Variants in ARID4B observed in about 807,000 individuals in gnomAD.
The protein encoded by ARID4B is AT-rich interactive domain-containing protein 4B.
Under a neutral mutation model 147.5 loss-of-function variants are expected in ARID4B, and 26 were observed. The ratio of observed to expected loss-of-function variants is 0.18; its 90% CI spans 0.13 to 0.24. The LOEUF (loss-of-function observed/expected upper bound fraction) is 0.24. Among genes scored for constraint, ARID4B ranks in the 10% least tolerant of loss-of-function variants. ARID4B has a pLI of 1.00. For missense variants in ARID4B, 1,179 were observed against 1,511.5 expected (o/e 0.78, Z 3.65); for synonymous variants, 512 against 507.9 (o/e 1.01, Z -0.11).
chr1:235,268,170 C>G (rs1670740689), intron 2 of ARID4B, among the ~76,000 whole-genome samples: 1 of 152,034 alleles, frequency 6.6e-6, no homozygotes, highest in Non-Finnish European at 1.5e-5. Flanking sequence ...GCTGGAAGAT[C>G]CATTACCCGG....
chr1:235,173,768 AAAAATATATATATATATATAT>A (rs1395823445), intron 22 of ARID4B, among the ~76,000 whole-genome samples: 1 of 44,224 alleles, frequency 2.3e-5, no homozygotes, highest in Non-Finnish European at 3.7e-5. Context: ...AAAAAAAAAA[AAAAATATATATATATATATAT>A]ATATATATAT....
At chr1:235,318,909 G>A (rs1166378108) in intron 2 of ARID4B, among the ~76,000 whole-genome samples, 1 of 152,024 alleles carries the variant, frequency 6.6e-6, no homozygotes, top group Non-Finnish European at 1.5e-5. Context: ...AGTTACTGGA[G>A]GGATAAAAGA....
intron 2 of ARID4B, among the ~76,000 whole-genome samples, chr1:235,319,817 C>A (rs148782765): frequency 6.6e-6 from 1 of 151,948 alleles, no homozygotes; most frequent in African/African-American, 2.4e-5. Context: ...CATGGTGAAA[C>A]CCCATTGCTA....
intron 21 of ARID4B, among the ~76,000 whole-genome samples, chr1:235,177,347 T>A (rs1663960235): frequency 4.6e-5 from 7 of 152,232 alleles, no homozygotes; most frequent in Admixed American, 4.6e-4. Context: ...AAAAACAGAT[T>A]ACTTGATTTT....
intron 2 of ARID4B, among the ~76,000 whole-genome samples, chr1:235,318,534 T>C (rs1247331731): frequency 6.6e-6 from 1 of 152,090 alleles, no homozygotes; most frequent in South Asian, 2.1e-4. Context: ...AGGCCACATA[T>C]GTATTACAGG....
At chr1:235,316,753 G>GA (rs1674469251) in intron 2 of ARID4B, among the ~76,000 whole-genome samples, 1 of 150,294 alleles carries the variant, frequency 6.7e-6, no homozygotes, top group African/African-American at 2.4e-5. Flanking sequence ...CGGGAGCCGA[G>GA]TGTTGCAGTG....
chr1:235,308,270 TG>T (rs1326324094), intron 2 of ARID4B, among the ~76,000 whole-genome samples: 2 of 43,598 alleles, frequency 4.6e-5, no homozygotes, highest in Non-Finnish European at 1.0e-4. Context: ...AGCTAATTTT[TG>T]TATTGTATTT....
At chr1:235,219,211 C>G (rs551527564) in intron 16 of ARID4B, among the ~76,000 whole-genome samples, 1 of 152,050 alleles carries the variant, frequency 6.6e-6, no homozygotes, top group South Asian at 2.1e-4. Flanking sequence ...TTAAATGAGA[C>G]ACTAACAGAT....
At chr1:235,244,404 C>T (rs1336968969) in intron 7 of ARID4B, among the ~76,000 whole-genome samples, 1 of 151,868 alleles carries the variant, frequency 6.6e-6, no homozygotes, top group Non-Finnish European at 1.5e-5. Context: ...TAAACACAAT[C>T]GCTGCAAACA....
intron 15 of ARID4B, 22 bp downstream of exon 15, chr1:235,220,280 C>G: frequency 6.4e-7 from 1 of 1,572,264 alleles, no homozygotes; most frequent in Non-Finnish European, 8.6e-7. Context: ...AAGCAAAAGA[C>G]AATTAACAAT....
At chr1:235,253,288 C>T (rs898746828) in intron 5 of ARID4B, among the ~76,000 whole-genome samples, 1 of 152,156 alleles carries the variant, frequency 6.6e-6, no homozygotes, top group Non-Finnish European at 1.5e-5. Flanking sequence ...ACATACTGCA[C>T]CAGAAAATTC....
Position 235,205,928 on chromosome 1 carries a change from G to A in ARID4B, c.1841+7841C>T, listed in dbSNP as rs149312255. ...GCTGGTGAGAATGTAAAACGGTGTC[G>A]TCTCTGTGGAAAAGTTTGACAGTTC... On this transcript the variant is annotated intron_variant, in intron 17 of 23. Transcript: ENST00000264183. 2.4e-3 allele frequency among the ~76,000 whole-genome samples: 361 copies of A among 152,218 alleles called. 1 individual carries two copies. Among genetic ancestry groups the A allele is most frequent in the Non-Finnish European group, 4.1e-3 (280 of 68,022 alleles).
chr1:235,267,174 A>C (rs1015315283), intron 2 of ARID4B, among the ~76,000 whole-genome samples: 1 of 152,178 alleles, frequency 6.6e-6, no homozygotes, highest in Non-Finnish European at 1.5e-5. Flanking sequence ...ACTACTAAGG[A>C]GGCTGAGGCG....
rs116454361 is a variant in ARID4B, at chr1:235,213,570, A to G, written c.1841+199T>C. 3.1e-3 allele frequency among the ~76,000 whole-genome samples: 467 copies of G among 148,804 alleles called. 1 individual carries two copies. Among genetic ancestry groups the G allele is most frequent in the African/African-American group, 0.011 (452 of 40,432 alleles). ...TGTAGACCTCGGTTTTCTAGACATTAGGGATATCTTCTAAGTAGTGAAAAC... is the reference window on the plus strand; with the variant it reads ...TGTAGACCTCGGTTTTCTAGACATTGGGGATATCTTCTAAGTAGTGAAAAC... On this transcript the variant is annotated intron_variant, in intron 17 of 23. Transcript: ENST00000264183.
In ARID4B at chr1:235,229,268, T is replaced by G. The variant is rs370886540; in HGVS notation, c.860A>C (p.Asp287Ala). 1.9e-6 allele frequency: 3 copies of G among 1,612,628 alleles called. No individual in the cohort carries two copies. Among genetic ancestry groups the G allele is most frequent in the Non-Finnish European group, 2.5e-6 (3 of 1,179,026 alleles). Residue 287 changes from aspartate (D) to alanine (A), a missense_variant, in exon 11 of 24, where the codon GAT becomes GCT. By Grantham distance (126) the Asp-to-Ala change is moderately radical. This residue lies in a region of ARID4B where 159 missense variants were observed against 190.5 expected (regional missense o/e 0.83). Coordinates refer to ENST00000264183, the MANE Select transcript of ARID4B (RefSeq NM_016374.6). ...EAEEEEEEED[D>A]EKEKEDNSSE... Reference sequence around the variant, plus strand: ...GCTATTATCCTCCTTTTCTTTTTCATCATCTTCCTCCTCCTCTTCTTCCTC... The same window carrying G: ...GCTATTATCCTCCTTTTCTTTTTCAGCATCTTCCTCCTCCTCTTCTTCCTC...
In ARID4B at chr1:235,223,048, CTTAGGTTT is replaced by C. The variant is rs1037845761; in HGVS notation, c.1065+110_1065+117del. 2.6e-5 allele frequency: 17 copies of C among 666,408 alleles called. No homozygotes were observed. The Admixed American group carries it at 3.9e-4, about 15-fold the overall frequency. 41.3% of individuals were successfully genotyped at this position (666,408 alleles called of 1,614,324 possible). On this transcript the variant is annotated intron_variant, in intron 13 of 23. Transcript: ENST00000264183. ...GCTGTACTTTCCACTTTATCTTCTT[CTTAGGTTT>C]TTACTGAAAAACTTTGTTTTGTTGT...
At chr1:235,220,629 T>C (rs1667398741) in intron 14 of ARID4B, 84 bp from the exon 15 acceptor site, 1 of 1,097,770 alleles carries the variant, frequency 9.1e-7, no homozygotes, top group Non-Finnish European at 1.2e-6. Context: ...ATTCATTTCT[T>C]TTGTCTAAAC....
intron 8 of ARID4B, among the ~76,000 whole-genome samples, chr1:235,238,153 A>AAAAAAG (rs61179792): frequency 7.1e-6 from 1 of 141,814 alleles, no homozygotes; most frequent in African/African-American, 2.8e-5. Context: ...CAAAAAAAAA[A>AAAAAAG]AAAAGAAAAG....
chr1:235,257,280 A>C, intron 3 of ARID4B, 55 bp from the exon 4 acceptor site: 401 of 1,104,766 alleles, frequency 3.6e-4, no homozygotes, highest in Non-Finnish European at 5.1e-4. Context: ...ACACAAGCTC[A>C]TCAATGCACC....
Sources: allele counts gnomAD v4.1 joint callset (sites outside exome capture counted in the v4.1 genomes callset), GRCh38; gene constraint gnomAD v4.1.1; regional missense constraint gnomAD v4.1.1; transcripts MANE v1.5; gene names NCBI Gene and HGNC (gene_info 2026-07-23, HGNC 2026-07-21).